Variants in OTUD7A observed in about 807,000 individuals in gnomAD.
The protein encoded by OTUD7A is OTU deubiquitinase 7A.
Under a neutral mutation model 65.7 loss-of-function variants are expected in OTUD7A, and 12 were observed. The observed-to-expected ratio is 0.18, with a 90% CI of 0.12 to 0.30. The LOEUF is 0.30. Ranked by LOEUF, OTUD7A falls within the 10% of genes least tolerant of loss-of-function variation. OTUD7A has a pLI of 1.00. For synonymous variants in OTUD7A, 641 were observed against 586.3 expected, an observed-to-expected ratio of 1.09 and a Z score of -1.35; for missense variants, 1,148 against 1,304.8, an observed-to-expected ratio of 0.88 and a Z score of 1.85.
intron 1 of OTUD7A, among the ~76,000 whole-genome samples, chr15:31,809,581 G>C (rs1236036481): frequency 2.0e-5 from 3 of 152,210 alleles, no homozygotes; most frequent in African/African-American, 7.2e-5. Flanking sequence ...TAATAAAATA[G>C]TATCAGAAGC....
chr15:31,864,084 C>T (rs143292908), intron 1 of OTUD7A, among the ~76,000 whole-genome samples: 11 of 152,296 alleles, frequency 7.2e-5, no homozygotes, highest in Non-Finnish European at 1.6e-4. Context: ...GCTCCAGTTC[C>T]CAACAAGTTC....
At chr15:31,594,256 A>C (rs1889838979) in intron 3 of OTUD7A, among the ~76,000 whole-genome samples, 1 of 152,212 alleles carries the variant, frequency 6.6e-6, no homozygotes, top group African/African-American at 2.4e-5. Flanking sequence ...AAAGAAATCC[A>C]TTCCTTTCAG....
intron 3 of OTUD7A, among the ~76,000 whole-genome samples, chr15:31,633,360 T>G (rs1891238229): frequency 6.6e-6 from 1 of 152,200 alleles, no homozygotes; most frequent in Non-Finnish European, 1.5e-5. Context: ...CTCTCCAACT[T>G]CTACACTAGA....
At chr15:31,823,022 G>A (rs1896722774) in intron 1 of OTUD7A, among the ~76,000 whole-genome samples, 1 of 152,232 alleles carries the variant, frequency 6.6e-6, no homozygotes, top group Admixed American at 6.5e-5. Context: ...TGCATTTCAA[G>A]GGGTTGGAGA....
intron 8 of OTUD7A, among the ~76,000 whole-genome samples, chr15:31,518,327 C>G (rs890899640): frequency 6.6e-6 from 1 of 151,980 alleles, no homozygotes; most frequent in Non-Finnish European, 1.5e-5. Context: ...CAAAAATTAG[C>G]CAGGCATTGG....
At chr15:31,869,918 T>C (rs534951235) in intron 1 of OTUD7A, among the ~76,000 whole-genome samples, 149 of 152,272 alleles carry the variant, frequency 9.8e-4, no homozygotes, top group African/African-American at 3.4e-3. Flanking sequence ...GGAAGGCCTC[T>C]GGGTTCACAG....
chr15:31,802,131 G>GTATATATATATA (rs1286066693), intron 1 of OTUD7A, among the ~76,000 whole-genome samples: 7 of 131,288 alleles, frequency 5.3e-5, no homozygotes, highest in African/African-American at 2.0e-4. Flanking sequence ...GTGTGTGTGT[G>GTATATATATATA]TGTGTGTGTG....
At chr15:31,570,218 G>C (rs748493979) in intron 3 of OTUD7A, 21 bp from the exon 4 acceptor site, 9 of 1,612,622 alleles carry the variant, frequency 5.6e-6, no homozygotes, top group Non-Finnish European at 7.6e-6. Context: ...GAAATGACAA[G>C]AGGTGACAAT....
At chr15:31,619,181 T>C (rs1213090192) in intron 3 of OTUD7A, among the ~76,000 whole-genome samples, 1 of 152,236 alleles carries the variant, frequency 6.6e-6, no homozygotes, top group African/African-American at 2.4e-5. Context: ...ACTGCAACCT[T>C]GTAGTATGGT....
At position 31,657,419 on chromosome 15, in the gene OTUD7A, C is replaced by T. The variant is rs35478561; in HGVS notation, c.-99-342G>A. 1.4e-3 allele frequency among the ~76,000 whole-genome samples: 210 copies of T among 151,778 alleles called. 3 individuals are homozygous for T. Among genetic ancestry groups the T allele is most frequent in the Admixed American group, 0.011 (166 of 15,254 alleles). On this transcript the variant is annotated intron_variant, in intron 1 of 12. Coordinates refer to ENST00000307050, the MANE Select transcript of OTUD7A (RefSeq NM_001382637.1). Reference sequence around the variant, plus strand: ...TCGCCCAGGCTGGAGTGCAGTGGCGCGATCTCGGCTCACTGGAAGCTCCGC... The same window carrying T: ...TCGCCCAGGCTGGAGTGCAGTGGCGTGATCTCGGCTCACTGGAAGCTCCGC...
At chr15:31,539,892 G>T (rs1040251358) in intron 5 of OTUD7A, among the ~76,000 whole-genome samples, 1 of 152,172 alleles carries the variant, frequency 6.6e-6, no homozygotes, top group Non-Finnish European at 1.5e-5. Context: ...TGTTCAAGAC[G>T]AAGGAAATGG....
At chr15:31,720,393 G>A (rs897840152) in intron 1 of OTUD7A, among the ~76,000 whole-genome samples, 3 of 150,418 alleles carry the variant, frequency 2.0e-5, no homozygotes, top group African/African-American at 7.3e-5. Context: ...TCATGGCACA[G>A]TAACTTCATT....
At chr15:31,844,622 G>C (rs1260015274) in intron 1 of OTUD7A, among the ~76,000 whole-genome samples, 1 of 152,218 alleles carries the variant, frequency 6.6e-6, no homozygotes, top group South Asian at 2.1e-4. Flanking sequence ...TGTGTCTCCT[G>C]GTTCCTCATA....
chr15:31,805,092 G>T (rs541957551), intron 1 of OTUD7A, among the ~76,000 whole-genome samples: 3 of 152,164 alleles, frequency 2.0e-5, no homozygotes, highest in East Asian at 3.9e-4. Flanking sequence ...TTTCTTGCCC[G>T]ATCTCCACAT....
At chr15:31,587,073 T>G (rs1181493738) in intron 3 of OTUD7A, among the ~76,000 whole-genome samples, 4 of 152,138 alleles carry the variant, frequency 2.6e-5, no homozygotes, top group Non-Finnish European at 5.9e-5. Flanking sequence ...TCTAAGAGCA[T>G]CCCAAGCCTA....
At chr15:31,593,521 C>A (rs1173724637) in intron 3 of OTUD7A, among the ~76,000 whole-genome samples, 1 of 152,088 alleles carries the variant, frequency 6.6e-6, no homozygotes, top group Non-Finnish European at 1.5e-5. Flanking sequence ...TTTAAAACAA[C>A]TGGATATGTA....
At chr15:31,631,449 G>A (rs1463348546) in intron 3 of OTUD7A, among the ~76,000 whole-genome samples, 15 of 152,170 alleles carry the variant, frequency 9.9e-5, no homozygotes, top group Non-Finnish European at 1.9e-4. Context: ...AGTTTCTGCC[G>A]TGAGATCAGC....
chr15:31,635,542 G>T (rs1238054195), intron 3 of OTUD7A, among the ~76,000 whole-genome samples: 2 of 152,358 alleles, frequency 1.3e-5, no homozygotes, highest in East Asian at 1.9e-4. Context: ...CTGCACTGAG[G>T]ATGGCACCTG....
rs780288435 is a variant in OTUD7A at position 31,484,285 on chromosome 15, C to G, written c.1811G>C (p.Gly604Ala). 6.3e-7 allele frequency: 1 copy of G among 1,593,796 alleles called. No individual in the cohort carries two copies. The highest frequency in any genetic ancestry group is 8.5e-7 in the Non-Finnish European group (1 of 1,174,440). ...ACCGCCCTTCTCCGCCGGCGACGCG[C>G]CCGCTGCCTTGTCTGTGGGCGACGG... ...TTPSPTDKAA[G>A]ASPAEKGGGP... The change falls in exon 13 of 13, where the codon GGC (glycine) becomes GCC (alanine). Residue 604 changes from glycine to alanine, a missense_variant. Gly to Ala is a moderately conservative substitution (Grantham distance 60). Around this residue, in one of 6 missense-constraint regions of OTUD7A, gnomAD observed 842 missense variants for 769.5 expected, o/e 1.09. Coordinates refer to ENST00000307050, the MANE Select transcript of OTUD7A (RefSeq NM_001382637.1). The surrounding 1 kb of genome is among the most constrained non-coding windows in gnomAD (Gnocchi z 4.5).
Sources: allele counts gnomAD v4.1 joint callset (sites outside exome capture counted in the v4.1 genomes callset), GRCh38; gene constraint gnomAD v4.1.1; regional missense constraint gnomAD v4.1.1; non-coding constraint Gnocchi (gnomAD v3.1); transcripts MANE v1.5; gene names NCBI Gene and HGNC (gene_info 2026-07-23, HGNC 2026-07-21).